CCSER1: variants seen among roughly 807,000 people sequenced by gnomAD.
CCSER1 encodes the protein coiled-coil serine rich protein 1, also known as serine-rich coiled-coil domain-containing protein 1.
In CCSER1, 41 loss-of-function variants were observed where a neutral mutation model predicts 82.0. The ratio of observed to expected loss-of-function variants is 0.50; its 90% CI spans 0.39 to 0.65. The LOEUF (loss-of-function observed/expected upper bound fraction) is 0.65. CCSER1 is among the 30% of genes least tolerant of loss of function. The pLI is 0.00. For missense variants in CCSER1, 1,119 were observed against 1,064.2 expected (o/e 1.05, Z -0.72); for synonymous variants, 414 against 383.9 (o/e 1.08, Z -0.92).
intron 10 of CCSER1, among the ~76,000 whole-genome samples, chr4:91,519,983 A>G (rs776259352): frequency 5.3e-5 from 8 of 152,060 alleles, no homozygotes; most frequent in Non-Finnish European, 8.8e-5. Flanking sequence ...CTGCCTCTTG[A>G]TTAAAGTATT....
chr4:91,090,727 A>G (rs1007539633), intron 10 of CCSER1, among the ~76,000 whole-genome samples: 1 of 152,204 alleles, frequency 6.6e-6, no homozygotes, highest in Non-Finnish European at 1.5e-5. Flanking sequence ...TGCTCGGCTA[A>G]TTGCAAAAAC....
chr4:90,457,099 G>T (rs1024189221), intron 4 of CCSER1, among the ~76,000 whole-genome samples: 1 of 152,178 alleles, frequency 6.6e-6, no homozygotes, highest in African/African-American at 2.4e-5. Context: ...ACTGGCTGGG[G>T]CTGGCGGGCT....
chr4:90,383,186 T>C (rs989688816), intron 3 of CCSER1, among the ~76,000 whole-genome samples: 4 of 151,894 alleles, frequency 2.6e-5, no homozygotes, highest in African/African-American at 9.7e-5. Context: ...AAAAGAGAAA[T>C]TTGGCTAAAT....
intron 10 of CCSER1, chr4:91,325,241 C>T: frequency 2.2e-6 from 1 of 452,788 alleles, no homozygotes; most frequent in Non-Finnish European, 4.4e-6. Flanking sequence ...CACATCTAAG[C>T]CTGTGCACAT....
At chr4:90,897,387 G>A (rs1245935986) in intron 8 of CCSER1, among the ~76,000 whole-genome samples, 1 of 152,016 alleles carries the variant, frequency 6.6e-6, no homozygotes, top group East Asian at 1.9e-4. Context: ...AGAACATATG[G>A]TGTTTGATTT....
At chr4:90,552,949 A>G (rs1161938645) in intron 5 of CCSER1, among the ~76,000 whole-genome samples, 1 of 151,786 alleles carries the variant, frequency 6.6e-6, no homozygotes, top group Admixed American at 6.6e-5. Context: ...GCTCTTAACA[A>G]TTCATAAATG....
chr4:90,284,881 G>A (rs1250429958), intron 1 of CCSER1, among the ~76,000 whole-genome samples: 1 of 151,950 alleles, frequency 6.6e-6, no homozygotes, highest in Non-Finnish European at 1.5e-5. Flanking sequence ...ACCATTTATT[G>A]AAGAGACAGA....
At chr4:91,289,351 G>C (rs1743573617) in intron 10 of CCSER1, among the ~76,000 whole-genome samples, 1 of 151,970 alleles carries the variant, frequency 6.6e-6, no homozygotes, top group Non-Finnish European at 1.5e-5. Context: ...GCAAAGCACT[G>C]CCTAGTGATA....
At chr4:90,360,774 A>G (rs1745249764) in intron 3 of CCSER1, among the ~76,000 whole-genome samples, 1 of 152,088 alleles carries the variant, frequency 6.6e-6, no homozygotes, top group South Asian at 2.1e-4. Context: ...ATAATGCTTC[A>G]TGGCCAACAT....
intron 3 of CCSER1, among the ~76,000 whole-genome samples, chr4:90,364,334 G>T (rs1381354): frequency 6.6e-6 from 1 of 151,670 alleles, no homozygotes; most frequent in African/African-American, 2.4e-5. Context: ...TTTATTCCAA[G>T]GATTAAGTTC....
At chr4:90,289,117 C>G (rs974141076) in intron 1 of CCSER1, among the ~76,000 whole-genome samples, 9 of 151,992 alleles carry the variant, frequency 5.9e-5, no homozygotes, top group Non-Finnish European at 2.9e-5. Flanking sequence ...ATGCTTTCTT[C>G]TGAAGAAGAA....
At chr4:90,257,326 TG>T (rs1056450312) in intron 1 of CCSER1, among the ~76,000 whole-genome samples, 8 of 152,274 alleles carry the variant, frequency 5.3e-5, no homozygotes, top group Admixed American at 5.2e-4. Context: ...GGACCTTGTA[TG>T]GTTCTTTTGT....
chr4:90,480,800 G>A (rs1468641073), intron 5 of CCSER1, among the ~76,000 whole-genome samples: 1 of 152,184 alleles, frequency 6.6e-6, no homozygotes, highest in Non-Finnish European at 1.5e-5. Flanking sequence ...ATAGTTTGAA[G>A]TCAGGTAGCA....
intron 5 of CCSER1, among the ~76,000 whole-genome samples, chr4:90,535,221 T>A (rs1470523084): frequency 6.6e-6 from 1 of 152,172 alleles, no homozygotes; most frequent in Non-Finnish European, 1.5e-5. Flanking sequence ...TTATTTAGCA[T>A]TTTAAAAATT....
chr4:90,410,005 A>C (rs1464770912), intron 4 of CCSER1, among the ~76,000 whole-genome samples: 1 of 152,222 alleles, frequency 6.6e-6, no homozygotes, highest in Non-Finnish European at 1.5e-5. Flanking sequence ...AACAGACTTT[A>C]AACCAACAAA....
chr4:91,205,454 C>A (rs1203945543), intron 10 of CCSER1, among the ~76,000 whole-genome samples: 1 of 151,710 alleles, frequency 6.6e-6, no homozygotes, highest in Non-Finnish European at 1.5e-5. Context: ...AATTTAAGTT[C>A]ATTTTACATG....
intron 1 of CCSER1, among the ~76,000 whole-genome samples, chr4:90,227,133 A>G (rs1022588333): frequency 6.6e-6 from 1 of 152,108 alleles, no homozygotes. Flanking sequence ...ACTCCCAGCA[A>G]TCTCGTACTT....
intron 1 of CCSER1, among the ~76,000 whole-genome samples, chr4:90,225,029 T>C (rs1197176367): frequency 6.6e-6 from 1 of 152,042 alleles, no homozygotes; most frequent in East Asian, 1.9e-4. Flanking sequence ...CTCTTTCTGC[T>C]TCTACCCTTC....
chr4:91,548,003 A>G (rs1196688734), intron 10 of CCSER1, among the ~76,000 whole-genome samples: 1 of 152,088 alleles, frequency 6.6e-6, no homozygotes, highest in Non-Finnish European at 1.5e-5. Flanking sequence ...GGCTGGTTTC[A>G]AACTCCCGAG....
Sources: gnomAD v4.1 joint callset for allele counts (sites outside exome capture counted in the v4.1 genomes callset) on GRCh38, gnomAD v4.1.1 for gene constraint, MANE v1.5 for transcripts, NCBI Gene and HGNC (gene_info 2026-07-23, HGNC 2026-07-21) for gene names.